The following AOPEP variants were observed in gnomAD, a reference collection of about 807,000 sequenced individuals.
The protein encoded by AOPEP is aminopeptidase O.
A neutral mutation model predicts 98.1 loss-of-function variants in AOPEP; 77 were observed. The ratio of observed to expected loss-of-function variants is 0.78; its 90% CI spans 0.65 to 0.95. The LOEUF (loss-of-function observed/expected upper bound fraction) is 0.95. Ranked by LOEUF, AOPEP falls within the 40% of genes least tolerant of loss-of-function variation. The pLI is 0.00. For synonymous variants in AOPEP, 346 were observed against 365.3 expected, an observed-to-expected ratio of 0.95 and a Z score of 0.60; for missense variants, 1,024 against 1,024.7, an observed-to-expected ratio of 1.00 and a Z score of 0.01.
intron 5 of AOPEP, among the ~76,000 whole-genome samples, chr9:94,884,316 C>T (rs1334799611): frequency 1.3e-5 from 2 of 152,156 alleles, no homozygotes; most frequent in Admixed American, 1.3e-4. Flanking sequence ...AATTCAAACC[C>T]AAGATAGCTA....
At chr9:94,942,834 G>A (rs760510040) in intron 7 of AOPEP, among the ~76,000 whole-genome samples, 1 of 151,032 alleles carries the variant, frequency 6.6e-6, no homozygotes, top group Non-Finnish European at 1.5e-5. Flanking sequence ...GAACCCGGGA[G>A]GCAGAGGTTG....
At chr9:95,101,556 C>T in the AOPEP span, 2 of 912,864 alleles carry the variant, frequency 2.2e-6, no homozygotes, top group Non-Finnish European at 3.4e-6. Context: ...AAAATAGATA[C>T]TAGCAGATTG....
intron 3 of AOPEP, among the ~76,000 whole-genome samples, chr9:94,788,775 A>G (rs569078412): frequency 1.1e-4 from 16 of 152,316 alleles, no homozygotes; most frequent in African/African-American, 3.8e-4. Flanking sequence ...TCAGCATCCT[A>G]TGTGCATGTA....
At chr9:94,771,301 C>T (rs926518873) in intron 2 of AOPEP, among the ~76,000 whole-genome samples, 2 of 152,102 alleles carry the variant, frequency 1.3e-5, no homozygotes, top group Admixed American at 6.5e-5. Flanking sequence ...AAGTCACTAC[C>T]TGCTCCCCGC....
intron 5 of AOPEP, among the ~76,000 whole-genome samples, chr9:94,891,025 C>G (rs2048818616): frequency 6.6e-6 from 1 of 152,202 alleles, no homozygotes; most frequent in South Asian, 2.1e-4. Context: ...CTATGAATTG[C>G]TGAAAGCAGG....
intron 2 of AOPEP, among the ~76,000 whole-genome samples, chr9:94,769,932 A>T (rs1780976104): frequency 6.6e-6 from 1 of 152,254 alleles, no homozygotes; most frequent in African/African-American, 2.4e-5. Context: ...GAAGGAAAGG[A>T]TGGTGACAAC....
At chr9:94,856,740 C>T (rs1008401277) in intron 5 of AOPEP, among the ~76,000 whole-genome samples, 2 of 151,496 alleles carry the variant, frequency 1.3e-5, no homozygotes, top group Non-Finnish European at 2.9e-5. Flanking sequence ...TTGGTTGAAG[C>T]GACTCATAGG....
intron 5 of AOPEP, among the ~76,000 whole-genome samples, chr9:94,867,420 C>T (rs923533087): frequency 6.6e-6 from 1 of 152,190 alleles, no homozygotes. Context: ...TCAGAGGTCA[C>T]TTCAGTGTCA....
chr9:94,773,300 A>G (rs1304704495), intron 3 of AOPEP, 132 bp downstream of exon 3: 11 of 779,410 alleles, frequency 1.4e-5, no homozygotes, highest in Non-Finnish European at 2.0e-5. Context: ...AGTATAAAAC[A>G]TCCTGCCAGG....
intron 13 of AOPEP, among the ~76,000 whole-genome samples, chr9:95,013,443 A>G (rs537621800): frequency 6.7e-6 from 1 of 149,228 alleles, no homozygotes; most frequent in African/African-American, 2.5e-5. Context: ...TACCTGTAAG[A>G]CAGTCGGCCG....
At chr9:95,056,264 C>G (rs1040458495) in intron 13 of AOPEP, 2 of 152,332 alleles carry the variant, frequency 1.3e-5, no homozygotes, top group East Asian at 3.9e-4. Flanking sequence ...GGGAGCCGCA[C>G]AGTGACTTTC....
chr9:94,839,656 TTTTA>T (rs1375221763), intron 5 of AOPEP, among the ~76,000 whole-genome samples: 1 of 152,182 alleles, frequency 6.6e-6, no homozygotes, highest in African/African-American at 2.4e-5. Context: ...ATAGGGACAG[TTTTA>T]TTTGTTTCTT....
intron 2 of AOPEP, among the ~76,000 whole-genome samples, chr9:94,772,365 A>G (rs1463580756): frequency 1.3e-5 from 2 of 152,084 alleles, no homozygotes. Flanking sequence ...ATGCTGTGTC[A>G]TTGGTTTTGC....
intron 13 of AOPEP, among the ~76,000 whole-genome samples, chr9:95,011,898 A>G (rs2062554910): frequency 6.6e-6 from 1 of 152,330 alleles, no homozygotes; most frequent in East Asian, 1.9e-4. Flanking sequence ...TAACTAGCAT[A>G]ATAAGGAAAG....
At chr9:94,731,827 G>A (rs1236652279) in intron 1 of AOPEP, among the ~76,000 whole-genome samples, 5 of 107,300 alleles carry the variant, frequency 4.7e-5, no homozygotes, top group Admixed American at 2.8e-4. Flanking sequence ...ACGGAGTTTC[G>A]CTCTTGTTGC....
intron 10 of AOPEP, among the ~76,000 whole-genome samples, chr9:94,975,317 A>G (rs1473678176): frequency 6.6e-6 from 1 of 152,168 alleles, no homozygotes; most frequent in Non-Finnish European, 1.5e-5. Context: ...TACTCTGTCT[A>G]TTGTGTCTGG....
intron 5 of AOPEP, among the ~76,000 whole-genome samples, chr9:94,823,676 G>A (rs553038185): frequency 7.0e-6 from 1 of 141,884 alleles, no homozygotes; most frequent in South Asian, 2.3e-4. Flanking sequence ...GGTGTAGATT[G>A]AGCAAGCTGT....
chr9:94,890,352 G>A (rs528169289), intron 5 of AOPEP, among the ~76,000 whole-genome samples: 1 of 151,994 alleles, frequency 6.6e-6, no homozygotes, highest in Admixed American at 6.6e-5. Context: ...ACAGGCTCCT[G>A]CTCCCCACAC....
At chr9:94,933,536 A>C in intron 7 of AOPEP, 2 of 985,386 alleles carry the variant, frequency 2.0e-6, no homozygotes, top group Non-Finnish European at 2.4e-6. Flanking sequence ...ATACAATGCT[A>C]GATAAATGCG....
Sources: allele counts gnomAD v4.1 joint callset (sites outside exome capture counted in the v4.1 genomes callset), GRCh38; gene constraint gnomAD v4.1.1; transcripts MANE v1.5; gene names NCBI Gene and HGNC (gene_info 2026-07-23, HGNC 2026-07-21).